Variants in ERO1A observed in about 807,000 individuals in gnomAD.
ERO1A encodes ERO1-like protein alpha.
A neutral mutation model predicts 76.9 loss-of-function variants in ERO1A; 49 were observed. The observed-to-expected ratio is 0.64, with a 90% CI of 0.51 to 0.81. The LOEUF is 0.81. Among genes scored for constraint, ERO1A ranks in the 30% least tolerant of loss-of-function variants. ERO1A has a pLI of 0.00. For synonymous variants in ERO1A, 174 were observed against 181.2 expected, an observed-to-expected ratio of 0.96 and a Z score of 0.32; for missense variants, 448 against 542.1, an observed-to-expected ratio of 0.83 and a Z score of 1.72.
intron 13 of ERO1A, among the ~76,000 whole-genome samples, chr14:52,650,244 A>C (rs943080993): frequency 3.3e-4 from 50 of 151,810 alleles, no homozygotes; most frequent in African/African-American, 1.2e-3. Flanking sequence ...TATATATACA[A>C]TATGTATGAA....
chr14:52,677,864 TAAAAAAA>T (rs71267893), intron 4 of ERO1A, among the ~76,000 whole-genome samples: 26 of 87,138 alleles, frequency 3.0e-4, no homozygotes, highest in Admixed American at 7.1e-4. Context: ...CCTTTTATCT[TAAAAAAA>T]AAAAAAAAAA....
In ERO1A at chr14:52,643,523, CTT is replaced by C; in HGVS notation, c.*45_*46del. 3.1e-6 allele frequency: 4 copies of C among 1,277,690 alleles called. No homozygotes were observed. The highest frequency in any genetic ancestry group is 4.2e-6 in the Non-Finnish European group (4 of 942,168). The allele number at this position is 1,277,690 out of a possible 1,614,324, so 79.1% of individuals were successfully genotyped here. On this transcript the variant is annotated 3_prime_UTR_variant, in exon 16 of 16. Transcript: ENST00000395686. ...TTATGCCTTTGAATGAAATTCCACTCTTTCGCCTCCATTGTCCAGAAACAGGC... is the reference window on the plus strand; with the variant it reads ...TTATGCCTTTGAATGAAATTCCACTCTCGCCTCCATTGTCCAGAAACAGGC...
chr14:52,695,052 G>A (rs910997250), intron 1 of ERO1A, among the ~76,000 whole-genome samples: 1 of 152,182 alleles, frequency 6.6e-6, no homozygotes, highest in Non-Finnish European at 1.5e-5. Flanking sequence ...AATACTGGCA[G>A]GGCATTATAC....
chr14:52,673,684 C>A (rs2040686156), intron 4 of ERO1A, among the ~76,000 whole-genome samples: 1 of 152,178 alleles, frequency 6.6e-6, no homozygotes, highest in Non-Finnish European at 1.5e-5. Context: ...AGCTTCATCT[C>A]AAAAATTTCA....
At chr14:52,689,721 T>A (rs1440788368) in intron 1 of ERO1A, among the ~76,000 whole-genome samples, 1 of 152,194 alleles carries the variant, frequency 6.6e-6, no homozygotes, top group African/African-American at 2.4e-5. Context: ...CAAAGTGTTC[T>A]GCAGATTCAA....
intron 2 of ERO1A, 23 bp from the exon 3 acceptor site, chr14:52,682,431 A>G: frequency 6.6e-7 from 1 of 1,520,450 alleles, no homozygotes. Flanking sequence ...AATAGAAAAA[A>G]AATTATAAAA....
intron 3 of ERO1A, among the ~76,000 whole-genome samples, chr14:52,680,203 A>T (rs1387440091): frequency 6.6e-6 from 1 of 151,780 alleles, no homozygotes; most frequent in Non-Finnish European, 1.5e-5. Context: ...GTGCAAATTG[A>T]TAACTTCCAC....
intron 12 of ERO1A, 51 bp downstream of exon 12, chr14:52,653,018 A>C (rs778132117): frequency 1.7e-4 from 230 of 1,319,798 alleles, no homozygotes; most frequent in Non-Finnish European, 2.4e-4. Context: ...TTTATCTTGT[A>C]CATTAATTGT....
In ERO1A at chr14:52,640,181, A is replaced by AAAT. The variant is rs1248537728; in HGVS notation, c.*3386_*3388dup. On this transcript the variant is annotated 3_prime_UTR_variant, in exon 16 of 16. Coordinates refer to ENST00000395686, the MANE Select transcript of ERO1A (RefSeq NM_014584.3). ...TCACATTCTAGTAAAGACTTTTGAA[A>AAAT]AATAAAACAATACAGTACGATTTAA... The AAAT allele has an allele frequency of 6.6e-6, 1 of 152,240 alleles. No individual in the cohort carries two copies. The highest frequency in any genetic ancestry group is 1.5e-5 in the Non-Finnish European group (1 of 68,040). 9.4% of individuals were successfully genotyped at this position (152,240 alleles called of 1,614,324 possible).
intron 6 of ERO1A, among the ~76,000 whole-genome samples, chr14:52,668,965 G>C (rs895577461): frequency 1.3e-5 from 2 of 151,870 alleles, no homozygotes; most frequent in African/African-American, 4.8e-5. Flanking sequence ...ACATTTAAGA[G>C]CCCATTTGGC....
In ERO1A at chr14:52,688,972, T is replaced by C. The variant is rs147474522; in HGVS notation, c.115-5065A>G. On this transcript the variant is annotated intron_variant, in intron 1 of 15. Coordinates refer to ENST00000395686, the MANE Select transcript of ERO1A (RefSeq NM_014584.3). The stretch of plus-strand genomic sequence containing the variant: ...ATATATTCCTCATATACTTTTTTTT[T>C]GAGACGGAGTTTTATTCTTATTGCC... Among the ~76,000 whole-genome samples the C allele has an allele frequency of 1.4e-3, 210 of 152,338 alleles. 1 individual carries two copies. The highest frequency in any genetic ancestry group is 4.9e-3 in the African/African-American group (204 of 41,570).
intron 3 of ERO1A, 132 bp downstream of exon 3, chr14:52,682,193 A>G (rs2041017243): frequency 6.1e-6 from 4 of 657,962 alleles, no homozygotes; most frequent in Non-Finnish European, 1.0e-5. Flanking sequence ...CAGAAATTCA[A>G]GACCAACCTG....
chr14:52,671,482 A>C, intron 6 of ERO1A, 148 bp downstream of exon 6: 1 of 557,964 alleles, frequency 1.8e-6, no homozygotes, highest in Non-Finnish European at 3.2e-6. Context: ...CTGGATTCAA[A>C]TACCTGGGCT....
intron 11 of ERO1A, among the ~76,000 whole-genome samples, chr14:52,653,757 A>C (rs1037215850): frequency 2.8e-4 from 43 of 151,908 alleles, no homozygotes; most frequent in Admixed American, 6.5e-5. Flanking sequence ...TGGGTATAAT[A>C]AAAATTATTT....
intron 3 of ERO1A, 122 bp downstream of exon 3, chr14:52,682,202 TG>T: frequency 1.4e-6 from 1 of 696,558 alleles, no homozygotes; most frequent in South Asian, 2.2e-5. Context: ...AAGACCAACC[TG>T]GGCAACATAG....
chr14:52,669,696 TA>T (rs2040532918), intron 6 of ERO1A, among the ~76,000 whole-genome samples: 1 of 150,388 alleles, frequency 6.6e-6, no homozygotes, highest in East Asian at 2.0e-4. Context: ...GAGCCTCTGC[TA>T]AACGCAGGGG....
chr14:52,666,227 C>T, intron 7 of ERO1A, 148 bp downstream of exon 7: 2 of 641,656 alleles, frequency 3.1e-6, no homozygotes, highest in Non-Finnish European at 5.2e-6. Flanking sequence ...CAGAAGGAAA[C>T]TGGATTAATG....
In ERO1A at chr14:52,653,253, T is replaced by C. The variant is rs991342298; in HGVS notation, c.871A>G (p.Ile291Val). ...CTTGGACCTTCTCCTTCAGTCAAAA[T>C]TCCATCAAATCGCTGTTGAAATTCT... Reference protein sequence around the residue: ...ITEFQQRFDGILTEGEGPRRL... With the variant: ...ITEFQQRFDGVLTEGEGPRRL... The change falls in exon 12 of 16, where the codon ATT becomes GTT. Residue 291 changes from isoleucine (I) to valine (V), a missense_variant. This residue lies in a region of ERO1A where 302 missense variants were observed against 411.9 expected (regional missense o/e 0.73). Transcript: ENST00000395686. The C allele has an allele frequency of 6.2e-7, 1 of 1,612,658 alleles. No individual in the cohort carries two copies. Among genetic ancestry groups the C allele is most frequent in the Non-Finnish European group, 8.5e-7 (1 of 1,179,022 alleles).
At position 52,646,759 on chromosome 14, in the gene ERO1A, T is replaced by A. The variant is rs143055054; in HGVS notation, c.1126-298A>T. ...TTCCCACATCTAGTAAACAAAAAAC[T>A]TAGAAACCAGGCCTGTCTGACTCCA... On this transcript the variant is annotated intron_variant, in intron 13 of 15. Coordinates refer to ENST00000395686, the MANE Select transcript of ERO1A (RefSeq NM_014584.3). 4.2e-3 allele frequency: 1,046 copies of A among 248,672 alleles called. 14 individuals are homozygous for A. The highest frequency in any genetic ancestry group is 0.021 in the African/African-American group (939 of 44,546). 15.4% of individuals were successfully genotyped at this position (248,672 alleles called of 1,614,324 possible).
Sources: gnomAD v4.1 joint callset for allele counts (sites outside exome capture counted in the v4.1 genomes callset) on GRCh38, gnomAD v4.1.1 for gene constraint, gnomAD v4.1.1 regional missense constraint, MANE v1.5 for transcripts, NCBI Gene and HGNC (gene_info 2026-07-23, HGNC 2026-07-21) for gene names.